Variants in PLPP4 observed in about 807,000 individuals in gnomAD.
PLPP4 encodes diacylglycerol pyrophosphate like 2.
Under a neutral mutation model 32.2 loss-of-function variants are expected in PLPP4, and 20 were observed. The ratio of observed to expected loss-of-function variants is 0.62; its 90% confidence interval spans 0.44 to 0.90. The LOEUF is 0.90. Ranked by LOEUF, PLPP4 falls within the 40% of genes least tolerant of loss-of-function variation. The probability of loss-of-function intolerance (pLI) is 0.00; values close to 1 mark genes in which losing one functional copy is unlikely to be tolerated. For synonymous variants in PLPP4, 127 were observed against 133.0 expected (o/e 0.95, Z 0.31); for missense variants, 257 against 353.1 (o/e 0.73, Z 2.18).
chr10:120,543,600 T>G lies in PLPP4; in HGVS notation c.445+22505T>G, dbSNP rs537743476. Reference sequence around the variant, plus strand: ...AACATTTCTGAAGGTGTAGATTTTTTGGGTGTTGTGAAATATACATAACAG... The same window carrying G: ...AACATTTCTGAAGGTGTAGATTTTTGGGGTGTTGTGAAATATACATAACAG... On this transcript the variant is annotated intron_variant, in intron 5 of 6. Transcript: ENST00000398250. Among the ~76,000 whole-genome samples, 70 of 151,760 alleles carry G rather than the reference T, an allele frequency of 4.6e-4. No homozygotes were observed. In the South Asian group the frequency reaches 0.011, roughly 23 times the overall value.
intron 5 of PLPP4, among the ~76,000 whole-genome samples, chr10:120,523,576 C>A (rs762148750): frequency 6.6e-6 from 1 of 152,150 alleles, no homozygotes; most frequent in Non-Finnish European, 1.5e-5. Context: ...CAGCTCCCAT[C>A]TGCTCTCCAT....
chr10:120,561,178 A>G (rs1051174853), intron 5 of PLPP4, among the ~76,000 whole-genome samples: 2 of 152,310 alleles, frequency 1.3e-5, no homozygotes, highest in African/African-American at 4.8e-5. Context: ...TCAATGTTAA[A>G]GTCAGTTTTA....
At position 120,503,842 on chromosome 10, in the gene PLPP4, C is replaced by T; in HGVS notation, c.81C>T (p.Phe27=). Residue 27 remains phenylalanine, a synonymous_variant, in exon 2 of 7, where the codon TTC becomes TTT. Coordinates refer to ENST00000398250, the MANE Select transcript of PLPP4 (RefSeq NM_001030059.3). Reference sequence around the variant, plus strand: ...GTTTTACAGAGTTTTTGGATCCGTTCCAGAGAGTCATCCAGCCAGAAGAGA... The same window carrying T: ...GTTTTACAGAGTTTTTGGATCCGTTTCAGAGAGTCATCCAGCCAGAAGAGA... The part of the protein sequence containing the change: ...VFVFTEFLDP[F]QRVIQPEEIW... 6.2e-7 allele frequency: 1 copy of T among 1,613,732 alleles called. No individual in the cohort carries two copies. The highest frequency in any genetic ancestry group is 8.5e-7 in the Non-Finnish European group (1 of 1,179,674).
chr10:120,468,051 T>C lies in PLPP4; in HGVS notation c.56+10690T>C, dbSNP rs1158290334. On this transcript the variant is annotated intron_variant, in intron 1 of 6. Transcript: ENST00000398250. ...TGACCTCCAGCCCCATCCATGTTCC[T>C]GCAAAGGACATGATCTCATTCTTTG... 1.1e-4 allele frequency among the ~76,000 whole-genome samples: 7 copies of C among 65,038 alleles called. 3 individuals carry two copies. Among genetic ancestry groups the C allele is most frequent in the African/African-American group, 2.3e-4 (7 of 30,454 alleles). The allele number at this position is 65,038 out of a possible 152,430, so 42.7% of individuals were successfully genotyped here.
intron 3 of PLPP4, among the ~76,000 whole-genome samples, chr10:120,517,351 C>T (rs1845974093): frequency 6.6e-6 from 1 of 152,158 alleles, no homozygotes; most frequent in Non-Finnish European, 1.5e-5. Flanking sequence ...GCAAAGATAT[C>T]CCAGAGAATT....
At chr10:120,484,836 A>G (rs143883789) in intron 1 of PLPP4, among the ~76,000 whole-genome samples, 40 of 152,334 alleles carry the variant, frequency 2.6e-4, no homozygotes, top group Admixed American at 8.5e-4. Flanking sequence ...TTAAGGTTCT[A>G]TTCAGATGAC....
intron 5 of PLPP4, among the ~76,000 whole-genome samples, chr10:120,534,157 G>A (rs531115083): frequency 6.6e-5 from 10 of 152,130 alleles, no homozygotes; most frequent in African/African-American, 2.2e-4. Context: ...TGCTAGCAAT[G>A]AATTCTCTCA....
At chr10:120,535,414 C>G (rs1281025241) in intron 5 of PLPP4, among the ~76,000 whole-genome samples, 1 of 152,056 alleles carries the variant, frequency 6.6e-6, no homozygotes, top group East Asian at 1.9e-4. Context: ...CTATGCACAC[C>G]TGAAAATTTA....
intron 5 of PLPP4, among the ~76,000 whole-genome samples, chr10:120,548,846 A>G (rs1204457334): frequency 1.3e-5 from 2 of 151,840 alleles, no homozygotes; most frequent in Non-Finnish European, 1.5e-5. Context: ...GCATTTTTTC[A>G]TATGCTTTTT....
intron 6 of PLPP4, 97 bp downstream of exon 6, chr10:120,575,398 C>A: frequency 7.6e-7 from 1 of 1,317,226 alleles, no homozygotes; most frequent in Non-Finnish European, 1.0e-6. Context: ...GAGCTAAGTG[C>A]CCATTGTCCA....
chr10:120,582,044 G>A lies in PLPP4; in HGVS notation c.616+6743G>A, dbSNP rs144835973. On this transcript the variant is annotated intron_variant, in intron 6 of 6. Coordinates refer to ENST00000398250, the MANE Select transcript of PLPP4 (RefSeq NM_001030059.3). The stretch of plus-strand genomic sequence containing the variant: ...GAACGTGTTCACTTAGTTTGCTGGC[G>A]TCTGCACTAGAATATAATATCCACG... 2.5e-3 allele frequency among the ~76,000 whole-genome samples: 380 copies of A among 152,242 alleles called. 7 individuals are homozygous for A. Among genetic ancestry groups the A allele is most frequent in the African/African-American group, 8.4e-3 (348 of 41,536 alleles).
rs769417931 is a variant in PLPP4 at position 120,499,560 on chromosome 10, G to C, written c.57-4258G>C. Among the ~76,000 whole-genome samples the C allele has an allele frequency of 5.9e-4, 89 of 152,136 alleles. 1 individual carries two copies. Among genetic ancestry groups the C allele is most frequent in the Non-Finnish European group, 6.2e-4 (42 of 68,028 alleles). On this transcript the variant is annotated intron_variant, in intron 1 of 6. Coordinates refer to ENST00000398250, the MANE Select transcript of PLPP4 (RefSeq NM_001030059.3). ...ATCCACTAGGTCTGGGGTGGGGCTGGAGATTCTCCATTTTTAACAAGATCC... is the reference window on the plus strand; with the variant it reads ...ATCCACTAGGTCTGGGGTGGGGCTGCAGATTCTCCATTTTTAACAAGATCC...
At chr10:120,458,813 GT>G in intron 1 of PLPP4, among the ~76,000 whole-genome samples, 1 of 152,208 alleles carries the variant, frequency 6.6e-6, no homozygotes, top group East Asian at 1.9e-4. Context: ...GATGGGGACA[GT>G]TTCTAATTGG....
intron 1 of PLPP4, among the ~76,000 whole-genome samples, chr10:120,472,523 G>A (rs956132873): frequency 6.6e-6 from 1 of 151,940 alleles, no homozygotes; most frequent in Non-Finnish European, 1.5e-5. Flanking sequence ...TTCTGTTTAT[G>A]TTTTACTTTC....
chr10:120,563,547 T>C (rs1260906258), intron 5 of PLPP4, among the ~76,000 whole-genome samples: 2 of 149,410 alleles, frequency 1.3e-5, no homozygotes, highest in African/African-American at 5.1e-5. Flanking sequence ...ACGCCTGTAA[T>C]CCCAGCACTT....
rs371641175 is a variant in PLPP4, at chr10:120,591,952, G to A, written c.*2450G>A. ...TCAGGAGCCATAATGAACAGTGTAA[G>A]CCAGTTCACAAAAGGCAGGCATTTT... On this transcript the variant is annotated 3_prime_UTR_variant, in exon 7 of 7. Coordinates refer to ENST00000398250, the MANE Select transcript of PLPP4 (RefSeq NM_001030059.3). 2.6e-5 allele frequency among the ~76,000 whole-genome samples: 4 copies of A among 152,256 alleles called. No homozygotes were observed. The South Asian group carries it at 8.3e-4, about 32-fold the overall frequency.
chr10:120,549,983 A>G (rs985211746), intron 5 of PLPP4, among the ~76,000 whole-genome samples: 5 of 151,966 alleles, frequency 3.3e-5, no homozygotes, highest in African/African-American at 1.2e-4. Flanking sequence ...TGGTGGTCCT[A>G]GTCAGTACAA....
At chr10:120,487,602 A>C (rs1375578582) in intron 1 of PLPP4, among the ~76,000 whole-genome samples, 1 of 152,212 alleles carries the variant, frequency 6.6e-6, no homozygotes, top group East Asian at 1.9e-4. Flanking sequence ...AGATAACCTT[A>C]TAGGGTCATG....
intron 5 of PLPP4, among the ~76,000 whole-genome samples, chr10:120,564,948 C>T (rs1848617113): frequency 6.6e-6 from 1 of 151,808 alleles, no homozygotes; most frequent in Non-Finnish European, 1.5e-5. Flanking sequence ...CTTCTTTGTC[C>T]TTTCTTATAC....
Sources: gnomAD v4.1 joint callset for allele counts (sites outside exome capture counted in the v4.1 genomes callset) on GRCh38, gnomAD v4.1.1 for gene constraint, MANE v1.5 for transcripts, NCBI Gene and HGNC (gene_info 2026-07-23, HGNC 2026-07-21) for gene names.